MTUS1: variants seen among roughly 807,000 people sequenced by gnomAD.
MTUS1 encodes microtubule-associated tumor suppressor 1.
A neutral mutation model predicts 120.8 loss-of-function variants in MTUS1; 109 were observed. That is an observed-to-expected ratio of 0.90 (90% confidence interval 0.77 to 1.06). MTUS1 has a LOEUF of 1.06. Among genes scored for constraint, MTUS1 ranks in the 50% least tolerant of loss-of-function variants. The probability of loss-of-function intolerance (pLI) is 0.00; values close to 1 mark genes in which losing one functional copy is unlikely to be tolerated. For synonymous variants in MTUS1, 737 were observed against 550.5 expected, an observed-to-expected ratio of 1.34 and a Z score of -4.74; for missense variants, 2,210 against 1,486.3, an observed-to-expected ratio of 1.49 and a Z score of -8.01.
intron 6 of MTUS1, among the ~76,000 whole-genome samples, chr8:17,711,921 A>C (rs1821375824): frequency 6.6e-6 from 1 of 152,226 alleles, no homozygotes; most frequent in Non-Finnish European, 1.5e-5. Flanking sequence ...AAGAGGGACC[A>C]GTCAGTGGAG....
chr8:17,654,752 C>A (rs1807833311), intron 9 of MTUS1, 86 bp from the exon 10 acceptor site: 3 of 868,672 alleles, frequency 3.5e-6, no homozygotes, highest in South Asian at 1.4e-5. Flanking sequence ...TAGGAGACGT[C>A]ACAGCTTCAC....
chr8:17,688,906 A>G (rs1816386767), intron 6 of MTUS1, among the ~76,000 whole-genome samples: 2 of 152,190 alleles, frequency 1.3e-5, no homozygotes, highest in South Asian at 2.1e-4. Flanking sequence ...CACAGTGTTT[A>G]GACATTTAGA....
At chr8:17,735,783 C>G (rs1319136249) in intron 3 of MTUS1, among the ~76,000 whole-genome samples, 1 of 152,260 alleles carries the variant, frequency 6.6e-6, no homozygotes, top group South Asian at 2.1e-4. Flanking sequence ...TGTTGTGCAA[C>G]CAGTACACTG....
intron 3 of MTUS1, chr8:17,724,282 T>A (rs879695785): frequency 7.5e-5 from 17 of 226,692 alleles, no homozygotes; most frequent in African/African-American, 3.8e-4. Flanking sequence ...TCCAAATACA[T>A]CTTTGGAATG....
intron 3 of MTUS1, among the ~76,000 whole-genome samples, chr8:17,740,207 CAAAAAAAAAAAA>C (rs760591305): frequency 5.5e-5 from 7 of 126,482 alleles, no homozygotes; most frequent in African/African-American, 1.7e-4. Context: ...GACTCCGTCT[CAAAAAAAAAAAA>C]GGAAAAGAAA....
At chr8:17,718,727 G>A (rs918171767) in intron 4 of MTUS1, among the ~76,000 whole-genome samples, 2 of 151,938 alleles carry the variant, frequency 1.3e-5, no homozygotes, top group African/African-American at 4.8e-5. Flanking sequence ...AATTATGCCA[G>A]AATAACAGAT....
At chr8:17,656,344 A>G (rs1262105877) in intron 8 of MTUS1, among the ~76,000 whole-genome samples, 4 of 152,000 alleles carry the variant, frequency 2.6e-5, no homozygotes, top group South Asian at 2.1e-4. Context: ...CCTGGTCAAC[A>G]TGGTAAAACC....
At chr8:17,739,017 T>C (rs1044466504) in intron 3 of MTUS1, among the ~76,000 whole-genome samples, 9 of 151,528 alleles carry the variant, frequency 5.9e-5, no homozygotes, top group African/African-American at 2.2e-4. Flanking sequence ...CTGACACACA[T>C]CTGTGATACC....
intron 6 of MTUS1, among the ~76,000 whole-genome samples, chr8:17,687,950 C>T (rs1482653083): frequency 6.6e-6 from 1 of 152,170 alleles, no homozygotes; most frequent in Non-Finnish European, 1.5e-5. Flanking sequence ...AATCCCAAGA[C>T]CAAAAACAAT....
At position 17,645,695 on chromosome 8, in the gene MTUS1, C is replaced by T. The variant is rs1045618081; in HGVS notation, c.*231G>A. 36 of 505,536 alleles carry T rather than the reference C, an allele frequency of 7.1e-5. No homozygotes were observed. The Admixed American group carries it at 9.2e-4, about 13-fold the overall frequency. The allele number at this position is 505,536 out of a possible 1,614,324, so 31.3% of individuals were successfully genotyped here. A position where few individuals can be genotyped will look rare whatever the true frequency, so the allele number is the denominator to read the frequency against. ...TGTGCAACAACGTCCGTGTCGATGC[C>T]GAAATCTTTTTTTAAATCTTTTTTT... On this transcript the variant is annotated 3_prime_UTR_variant, in exon 15 of 15. Coordinates refer to ENST00000693296, the MANE Select transcript of MTUS1 (RefSeq NM_001363059.2).
At chr8:17,697,430 T>A (rs1488690417) in intron 6 of MTUS1, 3 of 1,599,622 alleles carry the variant, frequency 1.9e-6, no homozygotes, top group Non-Finnish European at 2.6e-6. Context: ...CCATGGACTG[T>A]CACATACTGT....
chr8:17,758,231 G>A (rs549046817), intron 1 of MTUS1: 1 of 152,306 alleles, frequency 6.6e-6, no homozygotes, highest in Non-Finnish European at 1.5e-5. Context: ...TAGGAACTAT[G>A]TTAAAACTGA....
At position 17,666,295 on chromosome 8, in the gene MTUS1, A is replaced by G. The variant is rs1030191488; in HGVS notation, c.2905+8891T>C. On this transcript the variant is annotated intron_variant, in intron 8 of 14. Coordinates refer to ENST00000693296, the MANE Select transcript of MTUS1 (RefSeq NM_001363059.2). ...GAGTTTCAATGTAAAAAAAAAAAAA[A>G]GGATGATTTTAAGTCAGGGACTATT... Among the ~76,000 whole-genome samples, 19 of 148,824 alleles carry G rather than the reference A, an allele frequency of 1.3e-4. No individual in the cohort carries two copies. In the East Asian group the frequency reaches 2.2e-3, roughly 18 times the overall value.
chr8:17,677,262 G>C (rs548719196), intron 7 of MTUS1, among the ~76,000 whole-genome samples: 420 of 152,250 alleles, frequency 2.8e-3, no homozygotes, highest in African/African-American at 9.7e-3. Flanking sequence ...TCAAATTTAA[G>C]CCTGAATTTT....
chr8:17,673,438 G>A (rs535126587), intron 8 of MTUS1, among the ~76,000 whole-genome samples: 9 of 152,292 alleles, frequency 5.9e-5, no homozygotes, highest in African/African-American at 7.2e-5. Context: ...CCCACTGGAA[G>A]GGGAAAAGGG....
At chr8:17,669,974 G>T (rs1414953967) in intron 8 of MTUS1, among the ~76,000 whole-genome samples, 1 of 152,258 alleles carries the variant, frequency 6.6e-6, no homozygotes, top group Non-Finnish European at 1.5e-5. Flanking sequence ...AGCTGTTGCA[G>T]TATCTTCCAG....
chr8:17,711,664 A>G (rs1310519519), intron 6 of MTUS1, among the ~76,000 whole-genome samples: 1 of 152,140 alleles, frequency 6.6e-6, no homozygotes, highest in East Asian at 1.9e-4. Flanking sequence ...TTCTTCAAGA[A>G]CTTTTCCTTT....
At chr8:17,692,930 C>T (rs188451437) in intron 6 of MTUS1, among the ~76,000 whole-genome samples, 201 of 152,310 alleles carry the variant, frequency 1.3e-3, no homozygotes, top group African/African-American at 4.7e-3. Flanking sequence ...TCGATACGTA[C>T]GTACACATGT....
At chr8:17,718,910 C>A (rs1243946984) in intron 4 of MTUS1, among the ~76,000 whole-genome samples, 2 of 151,530 alleles carry the variant, frequency 1.3e-5, no homozygotes, top group East Asian at 3.9e-4. Context: ...TGGCTCACAA[C>A]TGTAATCACA....
Sources: gnomAD v4.1 joint callset for allele counts (sites outside exome capture counted in the v4.1 genomes callset) on GRCh38, gnomAD v4.1.1 for gene constraint, MANE v1.5 for transcripts, NCBI Gene and HGNC (gene_info 2026-07-23, HGNC 2026-07-21) for gene names.